LMBR1: variants seen among roughly 807,000 people sequenced by gnomAD.
LMBR1 encodes the protein limb development membrane protein 1, also known as limb region 1 protein homolog.
A neutral mutation model predicts 73.9 loss-of-function variants in LMBR1; 52 were observed. The observed-to-expected ratio is 0.70, with a 90% CI of 0.56 to 0.89. The LOEUF is 0.89. Ranked by LOEUF, LMBR1 falls within the 40% of genes least tolerant of loss-of-function variation. The pLI, the probability that LMBR1 is intolerant of heterozygous loss-of-function variation, is 0.00. For missense variants in LMBR1, 539 were observed against 579.8 expected (o/e 0.93, Z 0.72); for synonymous variants, 215 against 209.4 (o/e 1.03, Z -0.23).
At chr7:156,754,853 C>A (rs1271748017) in intron 9 of LMBR1, among the ~76,000 whole-genome samples, 1 of 152,170 alleles carries the variant, frequency 6.6e-6, no homozygotes. Context: ...GTCAAAATGT[C>A]CATTTTGCCA....
chr7:156,795,166 C>G (rs972415526), intron 5 of LMBR1, among the ~76,000 whole-genome samples: 1 of 152,142 alleles, frequency 6.6e-6, no homozygotes, highest in East Asian at 1.9e-4. Flanking sequence ...CTAGCAAACC[C>G]CTGCTCATCC....
chr7:156,684,488 G>A (rs921827618), intron 16 of LMBR1, among the ~76,000 whole-genome samples: 8 of 152,160 alleles, frequency 5.3e-5, no homozygotes, highest in South Asian at 2.1e-4. Flanking sequence ...GAGGGCCAGC[G>A]GAGGCTTCCA....
At position 156,776,123 on chromosome 7, in the gene LMBR1, A is replaced by T. The variant is rs1381061619; in HGVS notation, c.424-12328T>A. Among the ~76,000 whole-genome samples, 6 of 148,690 alleles carry T rather than the reference A, an allele frequency of 4.0e-5. No individual in the cohort carries two copies. In the South Asian group the frequency reaches 1.0e-3, roughly 26 times the overall value. ...TATATATGTAAATTATATATATTTT[A>T]TATATATATATGCTTAGGACAATAT... On this transcript the variant is annotated intron_variant, in intron 5 of 16. Transcript: ENST00000353442.
chr7:156,673,597 A>G (rs986972046), downstream of LMBR1, among the ~76,000 whole-genome samples: 7 of 152,186 alleles, frequency 4.6e-5, no homozygotes, highest in African/African-American at 1.7e-4. Flanking sequence ...GGCTAATCCC[A>G]AAACACAGGT....
chr7:156,738,458 A>G (rs1265117161), intron 9 of LMBR1, among the ~76,000 whole-genome samples: 1 of 151,308 alleles, frequency 6.6e-6, no homozygotes, highest in Non-Finnish European at 1.5e-5. Context: ...GGCTGGGCTT[A>G]GAGCCAGTGG....
At chr7:156,764,624 C>T (rs977669898) in intron 5 of LMBR1, among the ~76,000 whole-genome samples, 5 of 152,182 alleles carry the variant, frequency 3.3e-5, no homozygotes, top group African/African-American at 1.2e-4. Context: ...ACACAACCAA[C>T]AAAATTATAA....
At chr7:156,759,061 C>G (rs1040799666) in intron 8 of LMBR1, among the ~76,000 whole-genome samples, 3 of 152,112 alleles carry the variant, frequency 2.0e-5, no homozygotes, top group Non-Finnish European at 4.4e-5. Flanking sequence ...AGCTGATATT[C>G]TAGTGTAGCA....
At chr7:156,839,929 T>C (rs1838350752) in intron 1 of LMBR1, among the ~76,000 whole-genome samples, 1 of 152,058 alleles carries the variant, frequency 6.6e-6, no homozygotes, top group African/African-American at 2.4e-5. Flanking sequence ...AGAAGAAATG[T>C]AAATGGAGAG....
intron 1 of LMBR1, among the ~76,000 whole-genome samples, chr7:156,875,964 C>T (rs765814113): frequency 1.3e-5 from 2 of 149,592 alleles, no homozygotes; most frequent in Non-Finnish European, 3.0e-5. Flanking sequence ...TGGAATAGTA[C>T]CTCAAATCTC....
chr7:156,677,711 T>C (rs1804321328), downstream of LMBR1: 1 of 152,250 alleles, frequency 6.6e-6, no homozygotes, highest in African/African-American at 2.4e-5. Flanking sequence ...TACTCTCCTA[T>C]GTTTTGTGAT....
chr7:156,679,531 G>C lies in LMBR1; in HGVS notation c.*4547C>G, dbSNP rs1804651344. The C allele has an allele frequency of 6.7e-6, 1 of 150,200 alleles. No individual in the cohort carries two copies. Among genetic ancestry groups the C allele is most frequent in the Non-Finnish European group, 1.5e-5 (1 of 67,498 alleles). 9.3% of individuals were successfully genotyped at this position (150,200 alleles called of 1,614,324 possible). A position where few individuals can be genotyped will look rare whatever the true frequency, so the allele number is the denominator to read the frequency against. ...AGCTACAGCAGTATCAAATATGCTT[G>C]GTTCTGAAGTGTCAGTGTTTGTAAG... On this transcript the variant is annotated 3_prime_UTR_variant, in exon 17 of 17. Coordinates refer to ENST00000353442, the MANE Select transcript of LMBR1 (RefSeq NM_022458.4).
intron 9 of LMBR1, among the ~76,000 whole-genome samples, chr7:156,756,033 A>G (rs973432377): frequency 1.3e-5 from 2 of 152,214 alleles, no homozygotes; most frequent in South Asian, 4.1e-4. Context: ...TACCTATACT[A>G]TCTGTTAAAC....
chr7:156,715,663 C>A (rs913204648), intron 15 of LMBR1, among the ~76,000 whole-genome samples: 9 of 152,254 alleles, frequency 5.9e-5, no homozygotes, highest in African/African-American at 2.2e-4. Flanking sequence ...TAGTTCCTGG[C>A]AACTCATGAA....
At position 156,731,551 on chromosome 7, in the gene LMBR1, C is replaced by T. The variant is rs909105918; in HGVS notation, c.838+2626G>A. 2.0e-5 allele frequency among the ~76,000 whole-genome samples: 3 copies of T among 152,082 alleles called. No individual in the cohort carries two copies. In the South Asian group the frequency reaches 6.2e-4, roughly 31 times the overall value. On this transcript the variant is annotated intron_variant, in intron 10 of 16. Transcript: ENST00000353442. ...CAACAACATGACTTTTAACAAGAAA[C>T]CAGAAGACAGTAGAACAACATCTTT...
chr7:156,750,946 C>T (rs1490862374), intron 9 of LMBR1, among the ~76,000 whole-genome samples: 5 of 151,938 alleles, frequency 3.3e-5, no homozygotes, highest in Non-Finnish European at 7.4e-5. Flanking sequence ...CTTGTCTCTA[C>T]AAAAAACACA....
intron 11 of LMBR1, 112 bp from the exon 12 acceptor site, chr7:156,728,119 A>G (rs1039198925): frequency 2.8e-6 from 2 of 713,434 alleles, no homozygotes; most frequent in Admixed American, 2.6e-5. Context: ...AGTCAAGACC[A>G]AAACGCTATA....
chr7:156,854,520 G>T (rs1796679869), intron 1 of LMBR1, among the ~76,000 whole-genome samples: 1 of 152,188 alleles, frequency 6.6e-6, no homozygotes, highest in Admixed American at 6.5e-5. Flanking sequence ...TATGCCCAGG[G>T]CATGCTGTTC....
chr7:156,756,430 A>C lies in LMBR1; in HGVS notation c.720T>G (p.Ile240Met), dbSNP rs1437152815. The C allele has an allele frequency of 3.3e-6, 5 of 1,502,734 alleles. No individual in the cohort carries two copies. Among genetic ancestry groups the C allele is most frequent in the Non-Finnish European group, 4.6e-6 (5 of 1,087,570 alleles). 93.1% of individuals were successfully genotyped at this position (1,502,734 alleles called of 1,614,324 possible). The change falls in exon 9 of 17, where the codon ATT (isoleucine) becomes ATG (methionine). Residue 240 changes from isoleucine (I) to methionine (M), a missense_variant. Around this residue, in one of 3 missense-constraint regions of LMBR1, gnomAD observed 454 missense variants for 473.4 expected, o/e 0.96. Transcript: ENST00000353442. ...TCTGGAGTGCTTCTTCCTCTAAGGT[A>C]ATGATATAAATTTGTTCATCCAGGT... is the stretch of plus-strand genomic sequence containing the variant. Reference protein sequence around the residue: ...LEDLDEQIYIITLEEEALQRR... With the variant: ...LEDLDEQIYIMTLEEEALQRR...
chr7:156,860,775 T>C (rs777034417), intron 1 of LMBR1, among the ~76,000 whole-genome samples: 5 of 152,228 alleles, frequency 3.3e-5, no homozygotes. Context: ...ACAGGCCCCA[T>C]GCAGTCTGAA....
Sources: allele counts gnomAD v4.1 joint callset (sites outside exome capture counted in the v4.1 genomes callset), GRCh38; gene constraint gnomAD v4.1.1; regional missense constraint gnomAD v4.1.1; transcripts MANE v1.5; gene names NCBI Gene and HGNC (gene_info 2026-07-23, HGNC 2026-07-21).